ANKFN1: variants seen among roughly 807,000 people sequenced by gnomAD.
ANKFN1 encodes ankyrin repeat and fibronectin type III domain containing 1, also known as ankyrin repeat and fibronectin type-III domain-containing protein 1.
ANKFN1 carries 74 observed loss-of-function variants against 108.7 expected under a neutral mutation model. The observed-to-expected ratio is 0.68, with a 90% CI of 0.56 to 0.83. ANKFN1 has a LOEUF of 0.83. ANKFN1 is among the 40% of genes least tolerant of loss of function. The pLI, the probability that ANKFN1 is intolerant of heterozygous loss-of-function variation, is 0.00. For synonymous variants in ANKFN1, 547 were observed against 516.2 expected (o/e 1.06, Z -0.81); for missense variants, 1,505 against 1,382.3 (o/e 1.09, Z -1.41).
chr17:56,465,281 T>TA (rs1316522494), intron 14 of ANKFN1, among the ~76,000 whole-genome samples: 6 of 152,236 alleles, frequency 3.9e-5, no homozygotes, highest in Admixed American at 3.9e-4. Context: ...AATGAATTTT[T>TA]ATGTCAAAAA....
intron 4 of ANKFN1, among the ~76,000 whole-genome samples, chr17:56,345,712 T>A (rs1010281618): frequency 6.6e-6 from 1 of 152,220 alleles, no homozygotes; most frequent in Non-Finnish European, 1.5e-5. Flanking sequence ...TGTCTGTTCA[T>A]ATCTTTGCCT....
At chr17:56,422,630 A>G (rs2048447753) in intron 8 of ANKFN1, among the ~76,000 whole-genome samples, 1 of 152,148 alleles carries the variant, frequency 6.6e-6, no homozygotes, top group African/African-American at 2.4e-5. Flanking sequence ...GATCCTCATT[A>G]CTTTTTTTTT....
chr17:56,119,567 G>A (rs1263421738), intron 4 of ANKFN1, among the ~76,000 whole-genome samples: 1 of 152,134 alleles, frequency 6.6e-6, no homozygotes, highest in East Asian at 1.9e-4. Flanking sequence ...GTAACTAGCA[G>A]GGAAAGAAAC....
Position 56,374,545 on chromosome 17 carries a change from G to A in ANKFN1, c.797-56G>A. 9 of 1,306,020 alleles carry A rather than the reference G, an allele frequency of 6.9e-6. No homozygotes were observed. The South Asian group carries it at 7.3e-5, about 11-fold the overall frequency. 80.9% of individuals were successfully genotyped at this position (1,306,020 alleles called of 1,614,324 possible). A position where few individuals can be genotyped will look rare whatever the true frequency, so the allele number is the denominator to read the frequency against. On this transcript the variant is annotated intron_variant, in intron 7 of 20. Transcript: ENST00000682825. ...GGGTATCCTTTGAAGAGGGAGGAAC[G>A]TTGTTTGAAAAGGATTTGCTATGTT...
chr17:56,340,150 G>C (rs2045922842), intron 4 of ANKFN1, among the ~76,000 whole-genome samples: 1 of 152,074 alleles, frequency 6.6e-6, no homozygotes, highest in African/African-American at 2.4e-5. Context: ...CTTTTTGATG[G>C]GGTTGTTTGT....
intron 4 of ANKFN1, among the ~76,000 whole-genome samples, chr17:56,057,475 A>G (rs929208666): frequency 5.9e-5 from 9 of 152,194 alleles, no homozygotes; most frequent in African/African-American, 2.2e-4. Context: ...GATAGACTTA[A>G]GTATATTTCT....
intron 3 of ANKFN1, among the ~76,000 whole-genome samples, chr17:56,319,581 T>C (rs1598401326): frequency 6.6e-6 from 1 of 152,192 alleles, no homozygotes; most frequent in Non-Finnish European, 1.5e-5. Context: ...TACAAAGGCA[T>C]GATTGAGGTC....
rs1040816519 is a variant in ANKFN1, at chr17:56,510,856, G to T, written c.3028G>T (p.Gly1010Cys). The T allele has an allele frequency of 2.6e-5, 40 of 1,535,960 alleles. No homozygotes were observed. In the African/African-American group the frequency reaches 5.5e-4, roughly 21 times the overall value. Residue 1010 changes from glycine (G) to cysteine (C), a missense_variant, in exon 21 of 21, where the codon GGC (glycine) becomes TGC (cysteine). Gly to Cys is a radical substitution (Grantham distance 159, BLOSUM62 -3). Coordinates refer to ENST00000682825, the MANE Select transcript of ANKFN1 (RefSeq NM_001370326.1). The part of the protein sequence containing the change: ...RKPGKHPHYG[G>C]FSRHHRWLRI... ...GCCAGGCAAGCACCCCCACTATGGC[G>T]GCTTCAGCCGCCATCATCGCTGGTT... is the stretch of plus-strand genomic sequence containing the variant.
intron 10 of ANKFN1, among the ~76,000 whole-genome samples, chr17:56,446,156 A>G (rs530083624): frequency 3.0e-4 from 46 of 152,300 alleles, no homozygotes; most frequent in Middle Eastern, 3.4e-3. Context: ...TCATAAAGTA[A>G]TCAGATGGAG....
At chr17:56,100,564 C>G (rs1367881513) in intron 4 of ANKFN1, among the ~76,000 whole-genome samples, 1 of 152,146 alleles carries the variant, frequency 6.6e-6, no homozygotes. Flanking sequence ...CAATAGTAAA[C>G]AGTTGCTATA....
rs749165760 is a variant in ANKFN1 at position 56,510,793 on chromosome 17, G to T, written c.2965G>T (p.Gly989Cys). 1 of 1,536,140 alleles carries T rather than the reference G, an allele frequency of 6.5e-7. No individual in the cohort carries two copies. The highest frequency in any genetic ancestry group is 2.4e-5 in the East Asian group (1 of 40,912). ...TPKNHAKTVS[G>C]GRPPLGFLGK... ...CAAGAACCACGCCAAGACTGTGTCC[G>T]GTGGGCGGCCCCCGCTAGGCTTCCT... The change falls in exon 21 of 21, where the codon GGT becomes TGT. Residue 989 changes from glycine to cysteine, a missense_variant. Transcript: ENST00000682825.
At chr17:56,251,722 C>T (rs1400530869) in intron 3 of ANKFN1, among the ~76,000 whole-genome samples, 2 of 152,092 alleles carry the variant, frequency 1.3e-5, no homozygotes, top group African/African-American at 4.8e-5. Context: ...ATTCCCACTC[C>T]AGGTGAAATT....
chr17:56,385,843 AG>A (rs1244945395), intron 8 of ANKFN1, among the ~76,000 whole-genome samples: 1 of 152,196 alleles, frequency 6.6e-6, no homozygotes, highest in Non-Finnish European at 1.5e-5. Flanking sequence ...GAGGATGTGG[AG>A]AAACAGGAAC....
intron 4 of ANKFN1, among the ~76,000 whole-genome samples, chr17:56,136,269 A>G (rs765895634): frequency 1.1e-4 from 16 of 152,194 alleles, no homozygotes; most frequent in Non-Finnish European, 2.1e-4. Context: ...AGTGTTCTGT[A>G]TGGAAAATTG....
chr17:56,229,691 G>A (rs1246857979), intron 3 of ANKFN1, among the ~76,000 whole-genome samples: 3 of 148,636 alleles, frequency 2.0e-5, no homozygotes, highest in East Asian at 2.0e-4. Flanking sequence ...AAAAAAAAGG[G>A]GGGTTGGGGG....
intron 6 of ANKFN1, among the ~76,000 whole-genome samples, chr17:56,359,660 C>T (rs913336962): frequency 6.6e-6 from 1 of 152,142 alleles, no homozygotes; most frequent in African/African-American, 2.4e-5. Flanking sequence ...ACCAGTGTTA[C>T]AATTTTGGCA....
At chr17:56,196,685 G>A (rs946746323) in intron 1 of ANKFN1, among the ~76,000 whole-genome samples, 3 of 152,142 alleles carry the variant, frequency 2.0e-5, no homozygotes, top group Admixed American at 6.5e-5. Flanking sequence ...AGGTTGCAGT[G>A]AACTATTAAT....
At chr17:56,438,382 T>G (rs978029443) in intron 8 of ANKFN1, among the ~76,000 whole-genome samples, 29 of 152,126 alleles carry the variant, frequency 1.9e-4, no homozygotes, top group Admixed American at 6.5e-4. Context: ...AAAGACTTTC[T>G]TCTGAAAAAT....
chr17:56,161,373 G>A (rs957577284), intron 1 of ANKFN1, among the ~76,000 whole-genome samples: 2 of 152,082 alleles, frequency 1.3e-5, no homozygotes, highest in African/African-American at 4.8e-5. Context: ...TGCGTTCAGG[G>A]AAGATAGTCA....
Sources: allele counts gnomAD v4.1 joint callset (sites outside exome capture counted in the v4.1 genomes callset), GRCh38; gene constraint gnomAD v4.1.1; transcripts MANE v1.5; gene names NCBI Gene and HGNC (gene_info 2026-07-23, HGNC 2026-07-21).